Variants in FABP12 observed in about 807,000 individuals in gnomAD.
The protein encoded by FABP12 is fatty acid binding protein 12.
A neutral mutation model predicts 13.7 loss-of-function variants in FABP12; 19 were observed. That is an observed-to-expected ratio of 1.39 (90% confidence interval 0.97 to 2.04). FABP12 has a LOEUF of 2.04. FABP12 is among the 30% of genes most tolerant of loss of function. FABP12 has a pLI of 0.00. For synonymous variants in FABP12, 61 were observed against 57.0 expected (o/e 1.07, Z -0.32); for missense variants, 182 against 164.2 (o/e 1.11, Z -0.59).
chr8:81,550,137 A>G (rs2130011346), intron 1 of FABP12, among the ~76,000 whole-genome samples: 1 of 152,242 alleles, frequency 6.6e-6, no homozygotes, highest in Non-Finnish European at 1.5e-5. Context: ...ATACCCACTT[A>G]TCCTATTCAG....
intron 1 of FABP12, among the ~76,000 whole-genome samples, chr8:81,571,974 T>C (rs183051238): frequency 1.3e-5 from 2 of 152,288 alleles, no homozygotes; most frequent in Admixed American, 1.3e-4. Context: ...TATTTTTCCA[T>C]TAGTTATTGG....
intron 1 of FABP12, among the ~76,000 whole-genome samples, chr8:81,569,609 G>A (rs1809887901): frequency 6.6e-6 from 1 of 152,142 alleles, no homozygotes; most frequent in African/African-American, 2.4e-5. Flanking sequence ...ACAAACTGAA[G>A]AGACTGCAAA....
chr8:81,542,415 G>A (rs1410899657), intron 1 of FABP12, among the ~76,000 whole-genome samples: 1 of 152,100 alleles, frequency 6.6e-6, no homozygotes, highest in Non-Finnish European at 1.5e-5. Flanking sequence ...ATGGGACCAT[G>A]GCACAGGGAT....
At chr8:81,543,493 T>C (rs1287548587) in intron 1 of FABP12, among the ~76,000 whole-genome samples, 1 of 152,196 alleles carries the variant, frequency 6.6e-6, no homozygotes, top group Non-Finnish European at 1.5e-5. Flanking sequence ...AAAATTAATT[T>C]AGGAGATTAT....
intron 1 of FABP12, among the ~76,000 whole-genome samples, chr8:81,567,144 A>T (rs1809838828): frequency 6.6e-6 from 1 of 152,206 alleles, no homozygotes; most frequent in South Asian, 2.1e-4. Context: ...TGATGAAAGA[A>T]ATTGAAGAGG....
At chr8:81,581,646 T>C (rs776055674) in intron 1 of FABP12, among the ~76,000 whole-genome samples, 2 of 152,188 alleles carry the variant, frequency 1.3e-5, no homozygotes, top group Non-Finnish European at 2.9e-5. Flanking sequence ...ATAGAAACTT[T>C]ACAAGATTGG....
chr8:81,545,646 A>C (rs1437741548), intron 1 of FABP12, among the ~76,000 whole-genome samples: 1 of 152,240 alleles, frequency 6.6e-6, no homozygotes, highest in East Asian at 1.9e-4. Context: ...TCACAATGTA[A>C]AAGGATGACC....
chr8:81,564,936 A>G (rs1165467696), intron 1 of FABP12, among the ~76,000 whole-genome samples: 2 of 152,082 alleles, frequency 1.3e-5, no homozygotes, highest in African/African-American at 4.8e-5. Flanking sequence ...ATTGCCTACA[A>G]GAGACACATT....
At chr8:81,570,510 G>A (rs1809910768) in intron 1 of FABP12, among the ~76,000 whole-genome samples, 1 of 152,128 alleles carries the variant, frequency 6.6e-6, no homozygotes, top group South Asian at 2.1e-4. Context: ...CCTGACTAGT[G>A]TTCAGCTCCT....
At chr8:81,567,739 A>G (rs1016903064) in intron 1 of FABP12, among the ~76,000 whole-genome samples, 1 of 152,252 alleles carries the variant, frequency 6.6e-6, no homozygotes, top group Non-Finnish European at 1.5e-5. Context: ...TCTTCAGGAC[A>G]CTGGACTGAG....
chr8:81,525,258 G>A (rs184153274), intron 4 of FABP12, 138 bp from the exon 5 acceptor site: 135 of 581,568 alleles, frequency 2.3e-4, no homozygotes, highest in African/African-American at 1.9e-3. Flanking sequence ...GCTCACACCT[G>A]TAATCCCAGC....
At chr8:81,554,870 C>T (rs1262105694) in intron 1 of FABP12, among the ~76,000 whole-genome samples, 3 of 152,126 alleles carry the variant, frequency 2.0e-5, no homozygotes, top group Admixed American at 1.3e-4. Flanking sequence ...TTGTGTTGGG[C>T]GGCATTCAAA....
At chr8:81,535,855 G>A (rs1048850136), upstream of FABP12, among the ~76,000 whole-genome samples, 3 of 152,148 alleles carry the variant, frequency 2.0e-5, no homozygotes, top group Non-Finnish European at 2.9e-5. Flanking sequence ...AAAAGATCAT[G>A]ACTTTCTACT....
At chr8:81,581,659 A>C (rs182691134) in intron 1 of FABP12, among the ~76,000 whole-genome samples, 1 of 152,392 alleles carries the variant, frequency 6.6e-6, no homozygotes, top group East Asian at 1.9e-4. Flanking sequence ...AAGATTGGAA[A>C]GAATGAGATA....
Position 81,531,391 on chromosome 8 carries a change from C to T in FABP12, c.-75-1G>A, listed in dbSNP as rs1440230964. The T allele has an allele frequency of 2.1e-6, 2 of 974,518 alleles. No homozygotes were observed. Among genetic ancestry groups the T allele is most frequent in the Non-Finnish European group, 3.0e-6 (2 of 657,590 alleles). The allele number at this position is 974,518 out of a possible 1,614,324, so 60.4% of individuals were successfully genotyped here. A position where few individuals can be genotyped will look rare whatever the true frequency, so the allele number is the denominator to read the frequency against. On this transcript the variant is annotated splice_acceptor_variant, in intron 1 of 4. Coordinates refer to ENST00000360464, the Ensembl canonical transcript of FABP12. LOFTEE classifies it low-confidence loss of function (5UTR_SPLICE). ...GGTTTTCCCTGAAGTAGTATGGGAA[C>T]TTGTTTTTAATACAATTTTGGGTAG...
chr8:81,549,903 T>G (rs756404467), intron 1 of FABP12, among the ~76,000 whole-genome samples: 4 of 152,204 alleles, frequency 2.6e-5, no homozygotes, highest in Non-Finnish European at 4.4e-5. Context: ...ACATCTTTTG[T>G]CCCCAGTGCC....
At chr8:81,578,849 G>A (rs1418009877) in intron 1 of FABP12, among the ~76,000 whole-genome samples, 7 of 44,298 alleles carry the variant, frequency 1.6e-4, no homozygotes, top group African/African-American at 8.0e-4. Context: ...TTTTGAGAAG[G>A]AGTCTCGCTC....
chr8:81,542,845 T>G (rs1463187211), intron 1 of FABP12, among the ~76,000 whole-genome samples: 2 of 152,218 alleles, frequency 1.3e-5, no homozygotes, highest in African/African-American at 4.8e-5. Context: ...GAGATTAATA[T>G]CTTTCACAAC....
At chr8:81,559,343 G>A (rs1490350740) in intron 1 of FABP12, among the ~76,000 whole-genome samples, 2 of 152,170 alleles carry the variant, frequency 1.3e-5, no homozygotes, top group Non-Finnish European at 2.9e-5. Context: ...CTTTTCTGAG[G>A]CAAATAAAAC....
Sources: allele counts gnomAD v4.1 joint callset (sites outside exome capture counted in the v4.1 genomes callset), GRCh38; gene constraint gnomAD v4.1.1; transcripts MANE v1.5; gene names NCBI Gene and HGNC (gene_info 2026-07-23, HGNC 2026-07-21).